Variants in ADAMTSL1 observed in about 807,000 individuals in gnomAD.
ADAMTSL1 encodes ADAMTS-like protein 1.
In ADAMTSL1, 126 loss-of-function variants were observed where a neutral mutation model predicts 201.8. The ratio of observed to expected loss-of-function variants is 0.62; its 90% CI spans 0.54 to 0.72. The LOEUF (loss-of-function observed/expected upper bound fraction) is 0.72, where lower values mean the gene tolerates loss of function less well. Among genes scored for constraint, ADAMTSL1 ranks in the 30% least tolerant of loss-of-function variants. ADAMTSL1 has a pLI of 0.00. For missense variants in ADAMTSL1, 2,679 were observed against 2,277.8 expected, an observed-to-expected ratio of 1.18 and a Z score of -3.59; for synonymous variants, 1,121 against 903.4, an observed-to-expected ratio of 1.24 and a Z score of -4.32.
chr9:18,557,873 T>C lies in ADAMTSL1; in HGVS notation c.238-16157T>C, dbSNP rs12005343. Among the ~76,000 whole-genome samples the C allele has an allele frequency of 6.6e-3, 1,002 of 152,190 alleles. 14 individuals are homozygous for C. Among genetic ancestry groups the C allele is most frequent in the African/African-American group, 0.022 (906 of 41,540 alleles). On this transcript the variant is annotated intron_variant, in intron 3 of 28. Transcript: ENST00000380548. ...TTTTTCTATTTAGCATGTTTCATTG[T>C]AGATTAAACAGATTTTATTCCCTGT...
intron 1 of ADAMTSL1, among the ~76,000 whole-genome samples, chr9:18,041,167 C>G (rs1458369358): frequency 2.0e-5 from 3 of 152,186 alleles, no homozygotes; most frequent in Non-Finnish European, 4.4e-5. Context: ...GATGATTTAA[C>G]ACATGTAGCT....
chr9:18,545,202 A>G (rs187692043), intron 3 of ADAMTSL1, among the ~76,000 whole-genome samples: 61 of 152,286 alleles, frequency 4.0e-4, no homozygotes, highest in African/African-American at 1.4e-3. Context: ...AAACTCATTC[A>G]ATTCTCACCA....
At chr9:18,312,682 A>G (rs1834202782) in intron 2 of ADAMTSL1, among the ~76,000 whole-genome samples, 1 of 152,198 alleles carries the variant, frequency 6.6e-6, no homozygotes, top group South Asian at 2.1e-4. Flanking sequence ...TTTCATCCTC[A>G]GTTTAAAAAC....
At chr9:18,506,862 G>GA (rs1446632081) in intron 2 of ADAMTSL1, among the ~76,000 whole-genome samples, 2 of 151,816 alleles carry the variant, frequency 1.3e-5, no homozygotes, top group African/African-American at 2.4e-5. Context: ...ATTTGAAGAA[G>GA]AAAAAAAGCC....
intron 2 of ADAMTSL1, among the ~76,000 whole-genome samples, chr9:18,408,232 G>A (rs531454963): frequency 1.3e-5 from 2 of 152,330 alleles, no homozygotes; most frequent in East Asian, 3.9e-4. Context: ...ACTTTGGGAA[G>A]CCAGGGTGGG....
At chr9:18,158,708 T>G (rs1305751680) in intron 1 of ADAMTSL1, among the ~76,000 whole-genome samples, 1 of 152,084 alleles carries the variant, frequency 6.6e-6, no homozygotes, top group Non-Finnish European at 1.5e-5. Flanking sequence ...TACAATTTCA[T>G]TTGGGAGTAT....
At chr9:18,893,446 A>T (rs760947695) in intron 26 of ADAMTSL1, among the ~76,000 whole-genome samples, 3 of 151,242 alleles carry the variant, frequency 2.0e-5, no homozygotes, top group African/African-American at 7.3e-5. Flanking sequence ...CAAAAAATTC[A>T]CCCCCTCCTC....
At chr9:18,238,056 C>A (rs1830916301) in intron 2 of ADAMTSL1, among the ~76,000 whole-genome samples, 1 of 152,164 alleles carries the variant, frequency 6.6e-6, no homozygotes, top group African/African-American at 2.4e-5. Flanking sequence ...TACCTGGGTT[C>A]TAGATATTTC....
chr9:17,973,935 T>C (rs1310138230), intron 1 of ADAMTSL1, among the ~76,000 whole-genome samples: 12 of 151,356 alleles, frequency 7.9e-5, no homozygotes, highest in Non-Finnish European at 1.5e-4. Flanking sequence ...CAATTGTGAA[T>C]GGGAGTTCAC....
chr9:18,875,925 C>T (rs556671776), intron 23 of ADAMTSL1, among the ~76,000 whole-genome samples: 2 of 152,012 alleles, frequency 1.3e-5, no homozygotes, highest in South Asian at 4.2e-4. Flanking sequence ...TTTGGGAGCT[C>T]CAGTATTATG....
At chr9:18,010,884 A>T (rs950703803) in intron 1 of ADAMTSL1, among the ~76,000 whole-genome samples, 1 of 152,032 alleles carries the variant, frequency 6.6e-6, no homozygotes, top group African/African-American at 2.4e-5. Context: ...CTGTATCCTG[A>T]TATATAGTTA....
At chr9:18,584,083 G>A (rs151113060) in intron 4 of ADAMTSL1, among the ~76,000 whole-genome samples, 381 of 152,198 alleles carry the variant, frequency 2.5e-3, no homozygotes, top group Non-Finnish European at 3.7e-3. Context: ...TATGAGAAGG[G>A]GATGAGGTTT....
At chr9:18,823,020 C>G (rs1231326515) in intron 21 of ADAMTSL1, among the ~76,000 whole-genome samples, 1 of 152,182 alleles carries the variant, frequency 6.6e-6, no homozygotes, top group African/African-American at 2.4e-5. Flanking sequence ...CCTCATTCTA[C>G]ATGCGTAATG....
chr9:18,805,465 T>C (rs923595321), intron 20 of ADAMTSL1, among the ~76,000 whole-genome samples: 39 of 152,352 alleles, frequency 2.6e-4, no homozygotes, highest in African/African-American at 8.7e-4. Context: ...ATAGCAGAGA[T>C]AGTGCTGGTG....
At chr9:18,773,396 C>CA (rs1820803532) in intron 17 of ADAMTSL1, among the ~76,000 whole-genome samples, 1 of 150,134 alleles carries the variant, frequency 6.7e-6, no homozygotes, top group Non-Finnish European at 1.5e-5. Flanking sequence ...TCCTTTCCCC[C>CA]CAAAAAAAAT....
intron 2 of ADAMTSL1, among the ~76,000 whole-genome samples, chr9:18,239,357 A>G (rs939697199): frequency 6.6e-6 from 1 of 152,192 alleles, no homozygotes; most frequent in Admixed American, 6.5e-5. Context: ...TGCTTTATGA[A>G]CTAAATTTAT....
At chr9:18,368,060 A>C (rs1481431129) in intron 2 of ADAMTSL1, among the ~76,000 whole-genome samples, 1 of 148,846 alleles carries the variant, frequency 6.7e-6, no homozygotes, top group Non-Finnish European at 1.5e-5. Context: ...CCACCACGCC[A>C]GGCTAATTTT....
chr9:17,984,353 T>C (rs982595339), intron 1 of ADAMTSL1, among the ~76,000 whole-genome samples: 2 of 152,160 alleles, frequency 1.3e-5, no homozygotes, highest in African/African-American at 4.8e-5. Flanking sequence ...CTCTCTGTGG[T>C]CTATTTACTG....
At chr9:18,737,106 G>A (rs1818542093) in intron 15 of ADAMTSL1, among the ~76,000 whole-genome samples, 1 of 152,102 alleles carries the variant, frequency 6.6e-6, no homozygotes, top group African/African-American at 2.4e-5. Flanking sequence ...GTCACCTGAG[G>A]TCAGAGGTTT....
Sources: gnomAD v4.1 joint callset for allele counts (sites outside exome capture counted in the v4.1 genomes callset) on GRCh38, gnomAD v4.1.1 for gene constraint, MANE v1.5 for transcripts, NCBI Gene and HGNC (gene_info 2026-07-23, HGNC 2026-07-21) for gene names.